PROX1: variants seen among roughly 807,000 people sequenced by gnomAD.
PROX1 encodes prospero homeobox protein 1.
PROX1 carries 7 observed loss-of-function variants against 58.8 expected under a neutral mutation model. That is an observed-to-expected ratio of 0.12 (90% confidence interval 0.07 to 0.22). The LOEUF (loss-of-function observed/expected upper bound fraction) is 0.22. Among genes scored for constraint, PROX1 ranks in the 10% least tolerant of loss-of-function variants. The probability of loss-of-function intolerance (pLI) is 1.00; values close to 1 mark genes in which losing one functional copy is unlikely to be tolerated. For missense variants in PROX1, 675 were observed against 927.8 expected (o/e 0.73, Z 3.54); for synonymous variants, 350 against 358.3 (o/e 0.98, Z 0.26).
Position 213,997,780 on chromosome 1 carries a change from C to T in PROX1, c.1245C>T (p.Val415=). 1 of 1,614,258 alleles carries T rather than the reference C, an allele frequency of 6.2e-7. No homozygotes were observed. Among genetic ancestry groups the T allele is most frequent in the South Asian group, 1.1e-5 (1 of 91,082 alleles). The stretch of plus-strand genomic sequence containing the variant: ...AGCGCCTGCAGTGCTTTGGCGACGT[C>T]ATCATTCCGAACCCCCTGGACACCT... ...ANQRLQCFGD[V]IIPNPLDTFG... The change falls in exon 2 of 5, where the codon GTC becomes GTT. Residue 415 remains valine (V), a synonymous_variant. Transcript: ENST00000366958. This position sits in a 1 kb window ranked among gnomAD's most constrained non-coding sequence, Gnocchi z 7.1.
intron 4 of PROX1, among the ~76,000 whole-genome samples, chr1:214,025,247 A>G (rs1664411686): frequency 1.3e-5 from 2 of 152,180 alleles, no homozygotes; most frequent in African/African-American, 4.8e-5. Flanking sequence ...CATCGGGGGA[A>G]TGGTCTGGCC....
chr1:214,003,319 A>G (rs536583979), intron 2 of PROX1, among the ~76,000 whole-genome samples: 1 of 152,350 alleles, frequency 6.6e-6, no homozygotes, highest in South Asian at 2.1e-4. Context: ...CAGATCTGAG[A>G]GTGTCTGTCA....
intron 4 of PROX1, among the ~76,000 whole-genome samples, chr1:214,024,882 C>T (rs1044639622): frequency 5.3e-5 from 8 of 152,174 alleles, no homozygotes; most frequent in Non-Finnish European, 1.2e-4. Flanking sequence ...TACCACCTCA[C>T]CCAGTAATTG....
rs1664997392 is a variant in PROX1, at chr1:214,041,215, T to C, written c.*5381T>C. ...AAACTGAATGTATGTGCAGTATATA[T>C]GCAAGCTTGTGCAAAATAAAATATA... On this transcript the variant is annotated 3_prime_UTR_variant, in exon 5 of 5. Coordinates refer to ENST00000366958, the MANE Select transcript of PROX1 (RefSeq NM_001270616.2). The C allele has an allele frequency of 6.6e-6, 1 of 152,174 alleles. No individual in the cohort carries two copies. Among genetic ancestry groups the C allele is most frequent in the South Asian group, 2.1e-4 (1 of 4,832 alleles). The allele number at this position is 152,174 out of a possible 1,614,324, so 9.4% of individuals were successfully genotyped here.
chr1:214,009,134 T>C (rs1663820243), intron 3 of PROX1, among the ~76,000 whole-genome samples: 1 of 152,222 alleles, frequency 6.6e-6, no homozygotes, highest in Non-Finnish European at 1.5e-5. Context: ...TTGAGTCAAC[T>C]GCTGCCTAGC....
At chr1:214,033,484 G>A (rs932928911) in intron 4 of PROX1, among the ~76,000 whole-genome samples, 7 of 152,286 alleles carry the variant, frequency 4.6e-5, no homozygotes, top group African/African-American at 1.7e-4. Context: ...TGTAATCTCA[G>A]CTACTCAGGA....
chr1:213,984,930 C>T (rs1221847609), upstream of PROX1: 1 of 152,272 alleles, frequency 6.6e-6, no homozygotes, highest in Non-Finnish European at 1.5e-5. Flanking sequence ...CCTGCCCCCA[C>T]CTAACAGCTT....
chr1:214,025,817 A>T (rs144808439), intron 4 of PROX1, among the ~76,000 whole-genome samples: 2 of 152,162 alleles, frequency 1.3e-5, no homozygotes, highest in East Asian at 3.9e-4. Flanking sequence ...GCCAGCCACC[A>T]CGCCCGGCTA....
chr1:214,032,811 G>A (rs1395284844), intron 4 of PROX1, among the ~76,000 whole-genome samples: 1 of 152,078 alleles, frequency 6.6e-6, no homozygotes, highest in Non-Finnish European at 1.5e-5. Context: ...AAGTTAAACA[G>A]CATCAAGACA....
At chr1:214,027,699 T>C (rs1001047145) in intron 4 of PROX1, among the ~76,000 whole-genome samples, 8 of 152,190 alleles carry the variant, frequency 5.3e-5, no homozygotes, top group African/African-American at 1.4e-4. Context: ...ACTGTCTTTA[T>C]CTAGCCGAGA....
At chr1:213,987,107 A>T (rs1341318821), upstream of PROX1, among the ~76,000 whole-genome samples, 1 of 152,170 alleles carries the variant, frequency 6.6e-6, no homozygotes, top group Non-Finnish European at 1.5e-5. Flanking sequence ...GATGTTTGCA[A>T]CATATATATT....
rs1664856586 is a variant in PROX1 at position 214,037,214 on chromosome 1, A to G, written c.*1380A>G. ...CCCTACTTGCATTGAAAAAACTCGT[A>G]TGGCATTCACACTTTTTTTCTTAGG... On this transcript the variant is annotated 3_prime_UTR_variant, in exon 5 of 5. Coordinates refer to ENST00000366958, the MANE Select transcript of PROX1 (RefSeq NM_001270616.2). The G allele has an allele frequency of 6.6e-6, 1 of 152,140 alleles. No individual in the cohort carries two copies. Among genetic ancestry groups the G allele is most frequent in the Non-Finnish European group, 1.5e-5 (1 of 68,032 alleles). The allele number at this position is 152,140 out of a possible 1,614,324, so 9.4% of individuals were successfully genotyped here.
At chr1:214,007,261 T>C (rs1411187437) in intron 3 of PROX1, among the ~76,000 whole-genome samples, 2 of 152,166 alleles carry the variant, frequency 1.3e-5, no homozygotes, top group Non-Finnish European at 2.9e-5. Flanking sequence ...TCAAAAGCAC[T>C]AATATTCAGA....
intron 4 of PROX1, among the ~76,000 whole-genome samples, chr1:214,031,420 C>T (rs1030198687): frequency 1.3e-5 from 2 of 152,100 alleles, no homozygotes; most frequent in Non-Finnish European, 2.9e-5. Context: ...GAGTTCCAGC[C>T]AAAGACTTTG....
At chr1:214,004,762 A>G (rs775329078) in intron 2 of PROX1, among the ~76,000 whole-genome samples, 4 of 152,154 alleles carry the variant, frequency 2.6e-5, no homozygotes, top group Non-Finnish European at 2.9e-5. Context: ...GGAGAGAAGA[A>G]CAAACAGAAC....
Position 213,998,189 on chromosome 1 carries a change from T to G in PROX1, c.1654T>G (p.Leu552Val). ...HPPSTAEGLS[L>V]SLIKSECGDL... ...GCCCAGCACCGCCGAAGGGCTCTCC[T>G]TGTCGCTCATAAAGTCCGAGTGCGG... Residue 552 changes from leucine (L) to valine (V), a missense_variant, in exon 2 of 5, where the codon TTG (leucine) becomes GTG (valine). Transcript: ENST00000366958. 6.2e-7 allele frequency: 1 copy of G among 1,612,210 alleles called. No homozygotes were observed. Among genetic ancestry groups the G allele is most frequent in the East Asian group, 2.2e-5 (1 of 44,872 alleles).
intron 1 of PROX1, among the ~76,000 whole-genome samples, chr1:213,995,052 T>C (rs565099580): frequency 6.6e-6 from 1 of 152,082 alleles, no homozygotes; most frequent in African/African-American, 2.4e-5. Context: ...AGGGAGCACG[T>C]AGATGTTTTT....
At chr1:213,993,387 A>C (rs1351524125) in intron 1 of PROX1, among the ~76,000 whole-genome samples, 1 of 152,208 alleles carries the variant, frequency 6.6e-6, no homozygotes, top group East Asian at 1.9e-4. Flanking sequence ...GAAACATGAT[A>C]GCTTAATACA....
upstream of PROX1, chr1:213,986,250 G>C (rs1335992928): frequency 1.3e-5 from 2 of 152,018 alleles, no homozygotes; most frequent in South Asian, 2.1e-4. Flanking sequence ...TAGACGCGTG[G>C]GGGGAGTGTG....
Sources: gnomAD v4.1 joint callset for allele counts (sites outside exome capture counted in the v4.1 genomes callset) on GRCh38, gnomAD v4.1.1 for gene constraint, Gnocchi (gnomAD v3.1) non-coding constraint, MANE v1.5 for transcripts, NCBI Gene and HGNC (gene_info 2026-07-23, HGNC 2026-07-21) for gene names.